Variants in HDLBP observed in about 807,000 individuals in gnomAD.
HDLBP encodes high density lipoprotein binding protein, also known as vigilin.
Under a neutral mutation model 137.3 loss-of-function variants are expected in HDLBP, and 30 were observed. That is an observed-to-expected ratio of 0.22 (90% CI 0.16 to 0.30). The LOEUF is 0.30. Among genes scored for constraint, HDLBP ranks in the 10% least tolerant of loss-of-function variants. HDLBP has a pLI of 1.00. For missense variants in HDLBP, 1,119 were observed against 1,667.3 expected (o/e 0.67, Z 5.73); for synonymous variants, 606 against 596.0 (o/e 1.02, Z -0.24).
intron 5 of HDLBP, among the ~76,000 whole-genome samples, chr2:241,261,906 C>G (rs1002787333): frequency 6.6e-6 from 1 of 152,204 alleles, no homozygotes; most frequent in African/African-American, 2.4e-5. Flanking sequence ...TGCTCCAGAT[C>G]CAGCTCCCAC....
intron 4 of HDLBP, 55 bp downstream of exon 4, chr2:241,264,393 T>A: frequency 7.6e-7 from 1 of 1,312,982 alleles, no homozygotes; most frequent in Non-Finnish European, 1.1e-6. Flanking sequence ...AATTTAAAAA[T>A]TTACATAGAC....
intron 11 of HDLBP, 200 bp from the exon 12 acceptor site, chr2:241,250,180 G>A: frequency 4.1e-6 from 2 of 488,790 alleles, no homozygotes; most frequent in Non-Finnish European, 7.1e-6. Flanking sequence ...GATCACAAGG[G>A]TTCTGGAGGA....
At chr2:241,268,390 C>A in intron 2 of HDLBP, 87 bp downstream of exon 2, 1 of 853,464 alleles carries the variant, frequency 1.2e-6, no homozygotes, top group Non-Finnish European at 1.4e-6. Flanking sequence ...AGAAGGTACA[C>A]ACAGGACTAA....
chr2:241,292,634 T>C (rs1033367841), intron 1 of HDLBP, among the ~76,000 whole-genome samples: 8 of 152,190 alleles, frequency 5.3e-5, no homozygotes, highest in African/African-American at 1.7e-4. Context: ...CTAAAGTATT[T>C]AGAGGTGACT....
chr2:241,294,433 TC>T (rs2075108968), intron 1 of HDLBP, among the ~76,000 whole-genome samples: 1 of 152,178 alleles, frequency 6.6e-6, no homozygotes, highest in South Asian at 2.1e-4. Flanking sequence ...TATAGACTAT[TC>T]TACAGACACG....
At chr2:241,264,733 C>T (rs999620073) in intron 3 of HDLBP, 128 bp from the exon 4 acceptor site, 7 of 868,262 alleles carry the variant, frequency 8.1e-6, no homozygotes, top group Non-Finnish European at 1.2e-5. Flanking sequence ...CAACTCCCCC[C>T]ACCCCTCTCT....
intron 2 of HDLBP, chr2:241,267,927 T>C (rs1046388056): frequency 1.0e-6 from 1 of 985,358 alleles, no homozygotes; most frequent in African/African-American, 1.7e-5. Context: ...AAGCCACAGC[T>C]CCCTTATGTG....
At chr2:241,290,899 C>T (rs1361670851) in intron 1 of HDLBP, among the ~76,000 whole-genome samples, 2 of 152,100 alleles carry the variant, frequency 1.3e-5, no homozygotes, top group Non-Finnish European at 2.9e-5. Context: ...ATGTCAGTAT[C>T]GTTACTGTAA....
intron 1 of HDLBP, among the ~76,000 whole-genome samples, chr2:241,294,595 C>A (rs762872497): frequency 3.9e-5 from 6 of 152,074 alleles, no homozygotes; most frequent in Non-Finnish European, 7.4e-5. Flanking sequence ...TAAGGCGCTG[C>A]GACTACAGGT....
chr2:241,302,121 C>T (rs1189059001), intron 1 of HDLBP, among the ~76,000 whole-genome samples: 2 of 151,758 alleles, frequency 1.3e-5, no homozygotes, highest in Non-Finnish European at 2.9e-5. Flanking sequence ...TAGCCAGGTA[C>T]AGTGCCTGTA....
chr2:241,272,356 G>A lies in HDLBP; in HGVS notation c.-102-3815C>T, dbSNP rs1218457527. ...GGGAGGGCCGGCCCCGCCAACGTCA[G>A]CGACCTGGGCTCAGGTCGGCCGCCC... is the stretch of plus-strand genomic sequence containing the variant. On this transcript the variant is annotated intron_variant, in intron 1 of 27. Transcript: ENST00000310931. This position sits in a 1 kb window ranked among gnomAD's most constrained non-coding sequence, Gnocchi z 5.6. The A allele has an allele frequency of 3.0e-6, 3 of 984,614 alleles. No homozygotes were observed. The South Asian group carries it at 1.4e-4, about 46-fold the overall frequency. The allele number at this position is 984,614 out of a possible 1,614,324, so 61.0% of individuals were successfully genotyped here. A position where few individuals can be genotyped will look rare whatever the true frequency, so the allele number is the denominator to read the frequency against.
In HDLBP at chr2:241,248,773, G is replaced by A. The variant is rs1395558573; in HGVS notation, c.1513-425C>T. ...CAGTGAGTGATCCCTTCTGAACAGAGGGTGGCTCGGACCACTTTCCCCGCA... is the reference window on the plus strand; with the variant it reads ...CAGTGAGTGATCCCTTCTGAACAGAAGGTGGCTCGGACCACTTTCCCCGCA... On this transcript the variant is annotated intron_variant, in intron 12 of 27. Coordinates refer to ENST00000310931, the MANE Select transcript of HDLBP (RefSeq NM_005336.6). Among the ~76,000 whole-genome samples, 7 of 152,006 alleles carry A rather than the reference G, an allele frequency of 4.6e-5. No individual in the cohort carries two copies. In the South Asian group the frequency reaches 6.2e-4, roughly 13 times the overall value.
chr2:241,230,662 A>C lies in HDLBP; in HGVS notation c.3474+97T>G. The stretch of plus-strand genomic sequence containing the variant: ...CCAGCCCTGGGGTTGTGGCCTCATC[A>C]TCTTGAGGGGAAGGCCATGCCCTGC... On this transcript the variant is annotated intron_variant, in intron 25 of 27. Coordinates refer to ENST00000310931, the MANE Select transcript of HDLBP (RefSeq NM_005336.6). The surrounding 1 kb of genome is among the most constrained non-coding windows in gnomAD (Gnocchi z 5.0). 9.4e-7 allele frequency: 1 copy of C among 1,062,456 alleles called. No individual in the cohort carries two copies. Among genetic ancestry groups the C allele is most frequent in the South Asian group, 1.5e-5 (1 of 67,926 alleles). The allele number at this position is 1,062,456 out of a possible 1,614,324, so 65.8% of individuals were successfully genotyped here. A position where few individuals can be genotyped will look rare whatever the true frequency, so the allele number is the denominator to read the frequency against.
At chr2:241,279,777 A>G (rs1164617000) in intron 1 of HDLBP, among the ~76,000 whole-genome samples, 1 of 152,362 alleles carries the variant, frequency 6.6e-6, no homozygotes, top group Non-Finnish European at 1.5e-5. Flanking sequence ...GTACTTCAGG[A>G]AAAAGCTTTC....
rs892954930 is a variant in HDLBP at position 241,273,140 on chromosome 2, G to A, written c.-102-4599C>T. ...GCTGCTCTGGAAGCAGATGTCACCA[G>A]TACCGCCCACCTCCCCAAAATCAGA... On this transcript the variant is annotated intron_variant, in intron 1 of 27. Transcript: ENST00000310931. 42 of 985,532 alleles carry A rather than the reference G, an allele frequency of 4.3e-5. No homozygotes were observed. The African/African-American group carries it at 6.5e-4, about 15-fold the overall frequency. 61.0% of individuals were successfully genotyped at this position (985,532 alleles called of 1,614,324 possible).
At chr2:241,250,270 A>ACACC in intron 11 of HDLBP, 1 of 275,420 alleles carries the variant, frequency 3.6e-6, no homozygotes, top group Non-Finnish European at 6.8e-6. Flanking sequence ...TCAGTCTGGG[A>ACACC]TTTAGCTCGT....
At chr2:241,250,750 G>GA (rs2072074382) in intron 11 of HDLBP, 1 of 152,380 alleles carries the variant, frequency 6.6e-6, no homozygotes, top group East Asian at 1.9e-4. Context: ...GCACTGAGGG[G>GA]GGAACATGGA....
chr2:241,256,173 A>C lies in HDLBP; in HGVS notation c.873+11T>G, dbSNP rs772226562. ...CTGCCCATGGGGATTTGCCTCCTCT[A>C]AATCGTGTACCTTCTCCTCATAAAT... On this transcript the variant is annotated intron_variant, in intron 7 of 27. Transcript: ENST00000310931. The C allele has an allele frequency of 6.2e-7, 1 of 1,611,756 alleles. No homozygotes were observed.
rs1156748289 is a variant in HDLBP, at chr2:241,298,076, AAAAAAAG to A, written c.-103+17487_-103+17493del. Among the ~76,000 whole-genome samples the A allele has an allele frequency of 6.9e-3, 533 of 77,272 alleles. 85 individuals carry two copies. Among genetic ancestry groups the A allele is most frequent in the Non-Finnish European group, 7.9e-3 (281 of 35,514 alleles). 50.7% of individuals were successfully genotyped at this position (77,272 alleles called of 152,430 possible). A position where few individuals can be genotyped will look rare whatever the true frequency, so the allele number is the denominator to read the frequency against. On this transcript the variant is annotated intron_variant, in intron 1 of 27. Coordinates refer to ENST00000310931, the MANE Select transcript of HDLBP (RefSeq NM_005336.6). ...AAAAAAAAAAAAAAAAAAAAAAAAA[AAAAAAAG>A]GGCCAGGCATGGTGGCTCATGCCTG...
Sources: gnomAD v4.1 joint callset for allele counts (sites outside exome capture counted in the v4.1 genomes callset) on GRCh38, gnomAD v4.1.1 for gene constraint, Gnocchi (gnomAD v3.1) non-coding constraint, MANE v1.5 for transcripts, NCBI Gene and HGNC (gene_info 2026-07-23, HGNC 2026-07-21) for gene names.